Variants in BHLHE41 observed in about 807,000 individuals in gnomAD.
BHLHE41 encodes basic helix-loop-helix family member e41, also known as class E basic helix-loop-helix protein 41.
A neutral mutation model predicts 24.0 loss-of-function variants in BHLHE41; 14 were observed. That is an observed-to-expected ratio of 0.58 (90% CI 0.39 to 0.91). BHLHE41 has a LOEUF of 0.91. Ranked by LOEUF, BHLHE41 falls within the 40% of genes least tolerant of loss-of-function variation. The pLI, the probability that BHLHE41 is intolerant of heterozygous loss-of-function variation, is 0.00. For missense variants in BHLHE41, 674 were observed against 655.4 expected, an observed-to-expected ratio of 1.03 and a Z score of -0.31; for synonymous variants, 394 against 315.5, an observed-to-expected ratio of 1.25 and a Z score of -2.64.
At chr12:26,123,561 T>C in intron 4 of BHLHE41, 69 bp downstream of exon 4, 14 of 1,078,884 alleles carry the variant, frequency 1.3e-5, no homozygotes, top group Non-Finnish European at 1.9e-5. Context: ...GGTGAGGGAG[T>C]CCTGACACTG....
rs1183335191 is a variant in BHLHE41, at chr12:26,122,688, G to C, written c.827C>G (p.Ala276Gly). The C allele has an allele frequency of 6.4e-7, 1 of 1,554,650 alleles. No homozygotes were observed. The highest frequency in any genetic ancestry group is 1.9e-5 in the Admixed American group (1 of 53,442). Reference sequence around the variant, plus strand: ...GGAATCCAGCTTCATCCTCTTGGGCGCCGGCGAGTCCTCCCCGGGAGGCTC... The same window carrying C: ...GGAATCCAGCTTCATCCTCTTGGGCCCCGGCGAGTCCTCCCCGGGAGGCTC... ...KQEPPGEDSP[A>G]PKRMKLDSRG... The change falls in exon 5 of 5, where the codon GCG becomes GGG. Residue 276 changes from alanine (A) to glycine (G), a missense_variant. By Grantham distance (60) the Ala-to-Gly change is moderately conservative. This residue lies in a region of BHLHE41 where 602 missense variants were observed against 570.8 expected (regional missense o/e 1.05). Transcript: ENST00000242728.
intron 3 of BHLHE41, 56 bp from the exon 4 acceptor site, chr12:26,123,797 C>T: frequency 2.6e-6 from 3 of 1,152,690 alleles, no homozygotes; most frequent in Non-Finnish European, 3.9e-6. Flanking sequence ...ACACATTTGG[C>T]TTAATTGGCT....
chr12:26,124,799 C>T lies in BHLHE41; in HGVS notation c.-20G>A. The T allele has an allele frequency of 6.2e-7, 1 of 1,614,036 alleles. No homozygotes were observed. The highest frequency in any genetic ancestry group is 8.5e-7 in the Non-Finnish European group (1 of 1,179,914). On this transcript the variant is annotated 5_prime_UTR_variant, in exon 1 of 5. Transcript: ENST00000242728. ...GTCCATGTTCAACTGCTGTTCGTTT[C>T]CTCTGTTTCGATTTTTGGGGCTCTG...
chr12:26,121,559 A>C lies in BHLHE41; in HGVS notation c.*507T>G, dbSNP rs1856963639. ...CAATCTGTTTGTGGAACGCCTCCTAAAACAGGCAGGGCAGCTTTGAGAACT... is the reference window on the plus strand; with the variant it reads ...CAATCTGTTTGTGGAACGCCTCCTACAACAGGCAGGGCAGCTTTGAGAACT... On this transcript the variant is annotated 3_prime_UTR_variant, in exon 5 of 5. Coordinates refer to ENST00000242728, the MANE Select transcript of BHLHE41 (RefSeq NM_030762.3). 6.5e-6 allele frequency: 1 copy of C among 153,366 alleles called. No homozygotes were observed. The highest frequency in any genetic ancestry group is 6.5e-5 in the Admixed American group (1 of 15,350). The allele number at this position is 153,366 out of a possible 1,614,324, so 9.5% of individuals were successfully genotyped here. A position where few individuals can be genotyped will look rare whatever the true frequency, so the allele number is the denominator to read the frequency against.
intron 4 of BHLHE41, 45 bp from the exon 5 acceptor site, chr12:26,123,213 C>T (rs769366229): frequency 6.3e-5 from 97 of 1,527,926 alleles, no homozygotes; most frequent in Non-Finnish European, 7.0e-5. Flanking sequence ...GGAGTGGAGG[C>T]AAGAAGAAAC....
chr12:26,122,093 G>A lies in BHLHE41; in HGVS notation c.1422C>T (p.Pro474=), dbSNP rs1276250683. ...AGGGAGCTTCCTTTCCTGGCTGCGA[G>A]GGATCTTCCTGAGCAGAGCTCTCCG... ...GNPESSAQED[P]SQPGKEAP is the part of the protein sequence containing the mutation. The change falls in exon 5 of 5, where the codon CCC becomes CCT. Residue 474 remains proline (P), a synonymous_variant. Coordinates refer to ENST00000242728, the MANE Select transcript of BHLHE41 (RefSeq NM_030762.3). 3.9e-6 allele frequency: 6 copies of A among 1,549,812 alleles called. No individual in the cohort carries two copies. The highest frequency in any genetic ancestry group is 2.4e-5 in the East Asian group (1 of 40,840).
At position 26,124,844 on chromosome 12, in the gene BHLHE41, G is replaced by A; in HGVS notation, c.-65C>T. 1 of 1,527,828 alleles carries A rather than the reference G, an allele frequency of 6.5e-7. No homozygotes were observed. Among genetic ancestry groups the A allele is most frequent in the Non-Finnish European group, 9.1e-7 (1 of 1,103,456 alleles). 94.6% of individuals were successfully genotyped at this position (1,527,828 alleles called of 1,614,324 possible). On this transcript the variant is annotated 5_prime_UTR_variant, in exon 1 of 5. Coordinates refer to ENST00000242728, the MANE Select transcript of BHLHE41 (RefSeq NM_030762.3). ...GCTCTGTACAATAATCTGTGGGACG[G>A]TAGGCTTGGGAGACCTTGGGGGGAT...
chr12:26,124,034 C>T (rs1944339538), intron 3 of BHLHE41, 38 bp downstream of exon 3: 3 of 1,352,850 alleles, frequency 2.2e-6, no homozygotes, highest in Non-Finnish European at 2.1e-6. Context: ...ATTAACACGC[C>T]CTTGGAGAGC....
At chr12:26,124,676 CCAA>C (rs1341155202) in intron 1 of BHLHE41, 39 bp downstream of exon 1, 3 of 1,613,678 alleles carry the variant, frequency 1.9e-6, no homozygotes, top group Non-Finnish European at 2.5e-6. Context: ...AAAAATCAAA[CCAA>C]AGCCTAGACA....
In BHLHE41 at chr12:26,122,824, C is replaced by T. The variant is rs1158926257; in HGVS notation, c.691G>A (p.Ala231Thr). 6.3e-7 allele frequency: 1 copy of T among 1,584,766 alleles called. No homozygotes were observed. Among genetic ancestry groups the T allele is most frequent in the Admixed American group, 1.8e-5 (1 of 57,102 alleles). ...TCGGTGTCCGTGTCGTTCTCGGCGG[C>T]GAGCTCGGCGCTGGGCTGAGTCCGC... ...IQRTQPSAEL[A>T]AENDTDTDSG... is the part of the protein sequence containing the mutation. The change falls in exon 5 of 5, where the codon GCC becomes ACC. Residue 231 changes from alanine (A) to threonine (T), a missense_variant. Coordinates refer to ENST00000242728, the MANE Select transcript of BHLHE41 (RefSeq NM_030762.3).
rs113285019 is a variant in BHLHE41 at position 26,122,168 on chromosome 12, C to A, written c.1347G>T (p.Pro449=). 2 of 1,532,062 alleles carry A rather than the reference C, an allele frequency of 1.3e-6. No individual in the cohort carries two copies. The highest frequency in any genetic ancestry group is 1.8e-6 in the Non-Finnish European group (2 of 1,138,298). The allele number at this position is 1,532,062 out of a possible 1,614,324, so 94.9% of individuals were successfully genotyped here. ...APLGAPHPQH[P]HGRTHLPFAG... ...CGAAGGGCAGGTGGGTGCGGCCGTG[C>A]GGGTGCTGGGGGTGCGGCGCCCCAA... is the stretch of plus-strand genomic sequence containing the variant. Residue 449 remains proline, a synonymous_variant, in exon 5 of 5, where the codon CCG becomes CCT. Coordinates refer to ENST00000242728, the MANE Select transcript of BHLHE41 (RefSeq NM_030762.3).
chr12:26,122,576 G>A lies in BHLHE41; in HGVS notation c.939C>T (p.Ala313=). The stretch of plus-strand genomic sequence containing the variant: ...GGGCGGCGTCGGGTCTCAGCAGCGC[G>A]GCCGCGGCGGCAGGGTCGGGCCCCA... ...ALLGPDPAAA[A]ALLRPDAALL... is the part of the protein sequence containing the mutation. Residue 313 remains alanine, a synonymous_variant, in exon 5 of 5, where the codon GCC becomes GCT. Transcript: ENST00000242728. The A allele has an allele frequency of 2.7e-6, 3 of 1,117,980 alleles. No individual in the cohort carries two copies. Among genetic ancestry groups the A allele is most frequent in the Non-Finnish European group, 2.2e-6 (2 of 916,268 alleles). The allele number at this position is 1,117,980 out of a possible 1,614,324, so 69.3% of individuals were successfully genotyped here.
In BHLHE41 at chr12:26,122,661, C is replaced by G. The variant is rs1290819892; in HGVS notation, c.854G>C (p.Arg285Pro). The G allele has an allele frequency of 7.1e-7, 1 of 1,402,998 alleles. No homozygotes were observed. The highest frequency in any genetic ancestry group is 2.2e-5 in the Admixed American group (1 of 44,956). The allele number at this position is 1,402,998 out of a possible 1,614,324, so 86.9% of individuals were successfully genotyped here. The change falls in exon 5 of 5, where the codon CGC becomes CCC. Residue 285 changes from arginine (R) to proline (P), a missense_variant. Physicochemically the swap from Arg to Pro is moderately radical, Grantham distance 103. This residue lies in a region of BHLHE41 where 602 missense variants were observed against 570.8 expected (regional missense o/e 1.05). Transcript: ENST00000242728. ...CGGGCCGCCGCCGCTGCCGCCGCCG[C>G]GGGAATCCAGCTTCATCCTCTTGGG... is the stretch of plus-strand genomic sequence containing the variant. Reference protein sequence around the residue: ...PAPKRMKLDSRGGGSGGGPGG... With the variant: ...PAPKRMKLDSPGGGSGGGPGG...
rs953313641 is a variant in BHLHE41, at chr12:26,120,330, T to C, written c.*1736A>G. 3 of 152,662 alleles carry C rather than the reference T, an allele frequency of 2.0e-5. No individual in the cohort carries two copies. The highest frequency in any genetic ancestry group is 6.5e-5 in the Admixed American group (1 of 15,288). 9.5% of individuals were successfully genotyped at this position (152,662 alleles called of 1,614,324 possible). On this transcript the variant is annotated 3_prime_UTR_variant, in exon 5 of 5. Coordinates refer to ENST00000242728, the MANE Select transcript of BHLHE41 (RefSeq NM_030762.3). ...AAATAGTGTGGCAATATTTAGGTAA[T>C]AGAATTTATGGAGTGCTGAAAATAC...
Position 26,122,196 on chromosome 12 carries a change from G to A in BHLHE41, c.1319C>T (p.Pro440Leu). Residue 440 changes from proline (P) to leucine (L), a missense_variant, in exon 5 of 5, where the codon CCC becomes CTC. Physicochemically the swap from Pro to Leu is moderately conservative, Grantham distance 98. Transcript: ENST00000242728. Reference sequence around the variant, plus strand: ...GTGCTGGGGGTGCGGCGCCCCAAGGGGCGCCACCTCGTGCGGCAGGAGGGT... The same window carrying A: ...GTGCTGGGGGTGCGGCGCCCCAAGGAGCGCCACCTCGTGCGGCAGGAGGGT... ...AATLLPHEVA[P>L]LGAPHPQHPH... 7.1e-7 allele frequency: 1 copy of A among 1,408,472 alleles called. No homozygotes were observed. The highest frequency in any genetic ancestry group is 9.2e-7 in the Non-Finnish European group (1 of 1,084,018). 87.2% of individuals were successfully genotyped at this position (1,408,472 alleles called of 1,614,324 possible). A position where few individuals can be genotyped will look rare whatever the true frequency, so the allele number is the denominator to read the frequency against.
chr12:26,123,924 A>T, intron 3 of BHLHE41, 148 bp downstream of exon 3: 1 of 742,386 alleles, frequency 1.3e-6, no homozygotes, highest in South Asian at 1.6e-5. Context: ...GGGAGCACCT[A>T]CTCCAGTTTG....
At chr12:26,123,222 A>G (rs2137387669) in intron 4 of BHLHE41, 54 bp from the exon 5 acceptor site, 2 of 1,518,548 alleles carry the variant, frequency 1.3e-6, no homozygotes, top group South Asian at 1.3e-5. Flanking sequence ...GCAAGAAGAA[A>G]CATACCCACG....
At position 26,122,762 on chromosome 12, in the gene BHLHE41, G is replaced by A. The variant is rs1383729570; in HGVS notation, c.753C>T (p.Asp251=). The A allele has an allele frequency of 6.3e-7, 1 of 1,592,750 alleles. No individual in the cohort carries two copies. Among genetic ancestry groups the A allele is most frequent in the South Asian group, 1.1e-5 (1 of 89,008 alleles). The change falls in exon 5 of 5, where the codon GAC becomes GAT. Residue 251 remains aspartate, a synonymous_variant. Coordinates refer to ENST00000242728, the MANE Select transcript of BHLHE41 (RefSeq NM_030762.3). ...GYGGEAEARP[D]REKGKGAGAS... ...CCCCCGCGCCTTTGCCTTTCTCGCG[G>A]TCCGGCCGGGCCTCGGCTTCGCCGC...
chr12:26,122,877 G>A lies in BHLHE41; in HGVS notation c.638C>T (p.Pro213Leu). Residue 213 changes from proline to leucine, a missense_variant, in exon 5 of 5, where the codon CCC (proline) becomes CTC (leucine). Physicochemically the swap from Pro to Leu is moderately conservative, Grantham distance 98. Transcript: ENST00000242728. ...CLERAGQKLE[P>L]LAYCVPVIQR... is the part of the protein sequence containing the mutation. ...GATGACGGGCACGCAGTAGGCGAGGGGCTCCAGCTTCTGCCCCGCGCGCTC... is the reference window on the plus strand; with the variant it reads ...GATGACGGGCACGCAGTAGGCGAGGAGCTCCAGCTTCTGCCCCGCGCGCTC... 1 of 1,556,654 alleles carries A rather than the reference G, an allele frequency of 6.4e-7. No homozygotes were observed.
Sources: allele counts gnomAD v4.1 joint callset, GRCh38; gene constraint gnomAD v4.1.1; regional missense constraint gnomAD v4.1.1; transcripts MANE v1.5; gene names NCBI Gene and HGNC (gene_info 2026-07-23, HGNC 2026-07-21).